The following RAD51B variants were observed in gnomAD, a reference collection of about 807,000 sequenced individuals.
The protein encoded by RAD51B is DNA repair protein RAD51 homolog 2.
A neutral mutation model predicts 42.2 loss-of-function variants in RAD51B; 38 were observed. That is an observed-to-expected ratio of 0.90 (90% CI 0.70 to 1.18). The LOEUF (loss-of-function observed/expected upper bound fraction) is 1.18. RAD51B is among the 50% of genes most tolerant of loss of function. RAD51B has a pLI of 0.00. For missense variants in RAD51B, 373 were observed against 400.7 expected (o/e 0.93, Z 0.59); for synonymous variants, 154 against 145.2 (o/e 1.06, Z -0.43).
chr14:68,096,914 A>G (rs1440695279), intron 7 of RAD51B, among the ~76,000 whole-genome samples: 1 of 152,242 alleles, frequency 6.6e-6, no homozygotes, highest in Non-Finnish European at 1.5e-5. Flanking sequence ...ATGAATTGTC[A>G]TAAACTGCCA....
chr14:68,468,654 C>T (rs2086045940), intron 10 of RAD51B: 1 of 331,936 alleles, frequency 3.0e-6, no homozygotes. Flanking sequence ...AAAGAACCAT[C>T]TGGGTTGGCA....
intron 10 of RAD51B, among the ~76,000 whole-genome samples, chr14:68,522,304 G>A (rs116586582): frequency 6.6e-6 from 1 of 152,222 alleles, no homozygotes; most frequent in African/African-American, 2.4e-5. Context: ...TGGGAGTCAT[G>A]TGGGGTGTCA....
chr14:68,522,824 C>G (rs999282496), intron 10 of RAD51B, among the ~76,000 whole-genome samples: 4 of 152,114 alleles, frequency 2.6e-5, no homozygotes, highest in African/African-American at 9.7e-5. Context: ...CTCCAGCTGC[C>G]AACCAACTTT....
intron 8 of RAD51B, among the ~76,000 whole-genome samples, chr14:68,384,058 A>T (rs1424571135): frequency 6.6e-6 from 1 of 152,166 alleles, no homozygotes; most frequent in African/African-American, 2.4e-5. Context: ...GTCAAGATAC[A>T]TGTTCTATTT....
chr14:68,643,707 A>C (rs1456465282), intron 10 of RAD51B, among the ~76,000 whole-genome samples: 1 of 152,224 alleles, frequency 6.6e-6, no homozygotes, highest in African/African-American at 2.4e-5. Flanking sequence ...TGAATGCTAA[A>C]CATGTGCCAG....
chr14:68,377,303 A>T (rs2083390099), intron 8 of RAD51B, among the ~76,000 whole-genome samples: 1 of 152,192 alleles, frequency 6.6e-6, no homozygotes, highest in Non-Finnish European at 1.5e-5. Flanking sequence ...CACCATGTGT[A>T]TGTGGGTGTT....
In RAD51B at chr14:68,220,639, T is replaced by C. The variant is rs149367976; in HGVS notation, c.757-71245T>C. Among the ~76,000 whole-genome samples, 947 of 152,270 alleles carry C rather than the reference T, an allele frequency of 6.2e-3. 18 individuals are homozygous for C. Among genetic ancestry groups the C allele is most frequent in the African/African-American group, 0.022 (901 of 41,542 alleles). The stretch of plus-strand genomic sequence containing the variant: ...AGAGCAGTTAGACAAATAAATGGCA[T>C]CCAAGTCAGTAAAGAGGAAGTTAAA... On this transcript the variant is annotated intron_variant, in intron 7 of 10. Transcript: ENST00000471583.
In RAD51B at chr14:68,091,328, AG is replaced by A. The variant is rs1344392513; in HGVS notation, c.757-200555del. ...TTTACAGTCCCACCAACAGTGTAAA[AG>A]TGTTCCTTTTTCTCCATATCCTCTC... On this transcript the variant is annotated intron_variant, in intron 7 of 10. Transcript: ENST00000471583. Among the ~76,000 whole-genome samples the A allele has an allele frequency of 7.2e-5, 11 of 152,232 alleles. No homozygotes were observed. The East Asian group carries it at 1.5e-3, about 21-fold the overall frequency.
chr14:68,195,980 T>C (rs2079364494), intron 7 of RAD51B, among the ~76,000 whole-genome samples: 1 of 146,036 alleles, frequency 6.8e-6, no homozygotes, highest in Non-Finnish European at 1.5e-5. Context: ...GCACTTTGGG[T>C]GGATCACGAG....
intron 8 of RAD51B, among the ~76,000 whole-genome samples, chr14:68,383,499 A>C (rs1325433082): frequency 2.6e-5 from 4 of 152,214 alleles, no homozygotes; most frequent in Non-Finnish European, 5.9e-5. Flanking sequence ...AGGAAACGTC[A>C]CTGAAGTAGA....
At chr14:68,022,249 C>A (rs1476056017) in intron 7 of RAD51B, among the ~76,000 whole-genome samples, 1 of 152,148 alleles carries the variant, frequency 6.6e-6, no homozygotes, top group African/African-American at 2.4e-5. Context: ...CATGTTGCTG[C>A]AAAGGACATG....
chr14:68,077,563 T>C (rs1269607445), intron 7 of RAD51B, among the ~76,000 whole-genome samples: 2 of 152,204 alleles, frequency 1.3e-5, no homozygotes, highest in Non-Finnish European at 1.5e-5. Context: ...TAAAAGACCA[T>C]CACAAGCTCA....
intron 7 of RAD51B, among the ~76,000 whole-genome samples, chr14:68,226,105 C>T (rs946354074): frequency 3.3e-5 from 5 of 152,050 alleles, no homozygotes; most frequent in African/African-American, 7.2e-5. Flanking sequence ...AAGTCACGGG[C>T]AGTGTGATAT....
At chr14:68,673,845 A>G (rs1893237097) in intron 11 of RAD51B, among the ~76,000 whole-genome samples, 1 of 151,556 alleles carries the variant, frequency 6.6e-6, no homozygotes, top group Non-Finnish European at 1.5e-5. Flanking sequence ...ACACATATGT[A>G]CATGCACACT....
At chr14:68,087,860 T>TTA (rs1198868301) in intron 7 of RAD51B, among the ~76,000 whole-genome samples, 7 of 116,744 alleles carry the variant, frequency 6.0e-5, no homozygotes, top group East Asian at 4.4e-4. Flanking sequence ...ATATATATAA[T>TTA]TATATAATAT....
intron 10 of RAD51B, among the ~76,000 whole-genome samples, chr14:68,648,072 T>TATATATACGTGTGTATATATATATACAC (rs1595045658): frequency 8.8e-6 from 1 of 113,420 alleles, no homozygotes; most frequent in Non-Finnish European, 1.8e-5. Flanking sequence ...TATATATATA[T>TATATATACGTGTGTATATATATATACAC]ACACGTATAT....
chr14:68,027,774 T>C (rs1007173171), intron 7 of RAD51B, among the ~76,000 whole-genome samples: 10 of 152,336 alleles, frequency 6.6e-5, no homozygotes, highest in Middle Eastern at 3.4e-3. Context: ...GTTTCAACTT[T>C]CTGCTGAATC....
intron 8 of RAD51B, among the ~76,000 whole-genome samples, chr14:68,407,501 A>G (rs1369310639): frequency 6.6e-6 from 1 of 152,192 alleles, no homozygotes; most frequent in Non-Finnish European, 1.5e-5. Context: ...ACTAGGTGAT[A>G]GGAATTTATT....
At chr14:68,208,877 T>C (rs566620883) in intron 7 of RAD51B, among the ~76,000 whole-genome samples, 8 of 152,224 alleles carry the variant, frequency 5.3e-5, no homozygotes, top group Non-Finnish European at 1.2e-4. Flanking sequence ...AGAGTTGCAC[T>C]GTGCTCAGCA....
Sources: allele counts gnomAD v4.1 joint callset (sites outside exome capture counted in the v4.1 genomes callset), GRCh38; gene constraint gnomAD v4.1.1; transcripts MANE v1.5; gene names NCBI Gene and HGNC (gene_info 2026-07-23, HGNC 2026-07-21).